The following LINGO2 variants were observed in gnomAD, a reference collection of about 807,000 sequenced individuals.
LINGO2 encodes leucine-rich repeat and immunoglobulin-like domain-containing nogo receptor-interacting protein 2.
Under a neutral mutation model 30.6 loss-of-function variants are expected in LINGO2, and 14 were observed. That is an observed-to-expected ratio of 0.46 (90% CI 0.30 to 0.72). LINGO2 has a LOEUF of 0.72. LINGO2 is among the 30% of genes least tolerant of loss of function. LINGO2 has a pLI of 0.07. For synonymous variants in LINGO2, 317 were observed against 288.5 expected, an observed-to-expected ratio of 1.10 and a Z score of -1.00; for missense variants, 729 against 751.7, an observed-to-expected ratio of 0.97 and a Z score of 0.35.
intron 1 of LINGO2, among the ~76,000 whole-genome samples, chr9:28,529,060 A>G (rs1304974015): frequency 2.0e-5 from 3 of 152,118 alleles, no homozygotes; most frequent in Non-Finnish European, 4.4e-5. Flanking sequence ...ATAGTTTTAG[A>G]AAGTCCTTCA....
chr9:29,097,292 T>C, the LINGO2 span, among the ~76,000 whole-genome samples: 60 of 136,026 alleles, frequency 4.4e-4, 9 homozygotes, highest in African/African-American at 1.6e-3. Flanking sequence ...TCAGTGGAAA[T>C]GGAAGAATAA....
chr9:28,626,784 T>C lies in LINGO2; in HGVS notation c.-365+43416A>G, dbSNP rs56844182. 1.7e-3 allele frequency among the ~76,000 whole-genome samples: 258 copies of C among 151,984 alleles called. 1 individual carries two copies. The highest frequency in any genetic ancestry group is 5.8e-3 in the African/African-American group (240 of 41,514). ...TTTCTACATTGTTTTCTCTGATCTA[T>C]ATCCCACCTAGTAAATGTTTTTTTC... On this transcript the variant is annotated intron_variant, in intron 1 of 5. Transcript: ENST00000379992.
At chr9:28,287,447 A>T (rs943364904) in intron 4 of LINGO2, among the ~76,000 whole-genome samples, 3 of 152,186 alleles carry the variant, frequency 2.0e-5, no homozygotes, top group Non-Finnish European at 4.4e-5. Context: ...ATATCCTTAA[A>T]ATATCCCCTA....
the LINGO2 span, among the ~76,000 whole-genome samples, chr9:29,164,756 A>G: frequency 6.6e-6 from 1 of 151,164 alleles, no homozygotes; most frequent in African/African-American, 2.5e-5. Context: ...ATATATATGC[A>G]TATATGCACG....
chr9:29,186,888 G>C, the LINGO2 span, among the ~76,000 whole-genome samples: 1 of 152,060 alleles, frequency 6.6e-6, no homozygotes, highest in Non-Finnish European at 1.5e-5. Flanking sequence ...CCATAAGAAA[G>C]ACCATAAAAA....
chr9:28,880,161 T>G, the LINGO2 span, among the ~76,000 whole-genome samples: 12 of 152,152 alleles, frequency 7.9e-5, no homozygotes, highest in Non-Finnish European at 1.5e-5. Context: ...AAGGCTGGAG[T>G]GCAGTGGCAC....
At chr9:28,569,980 T>C (rs1333821717) in intron 1 of LINGO2, among the ~76,000 whole-genome samples, 5 of 151,822 alleles carry the variant, frequency 3.3e-5, no homozygotes, top group Non-Finnish European at 5.9e-5. Context: ...AAAATTGAAG[T>C]AGTGATCAAC....
intron 1 of LINGO2, among the ~76,000 whole-genome samples, chr9:28,669,440 A>T (rs1228800858): frequency 6.6e-6 from 1 of 152,082 alleles, no homozygotes; most frequent in Admixed American, 6.6e-5. Context: ...AGCTAAACTT[A>T]ATCTTCCTGG....
the LINGO2 span, among the ~76,000 whole-genome samples, chr9:28,698,296 G>T: frequency 2.6e-5 from 4 of 151,938 alleles, no homozygotes; most frequent in African/African-American, 9.7e-5. Context: ...ATTATCATAA[G>T]ATACTTGCAC....
the LINGO2 span, among the ~76,000 whole-genome samples, chr9:28,694,937 TC>T: frequency 6.6e-6 from 1 of 150,580 alleles, no homozygotes. Flanking sequence ...TAAATGTGTT[TC>T]CATTATCCTG....
At chr9:28,807,420 A>C in the LINGO2 span, among the ~76,000 whole-genome samples, 11 of 152,198 alleles carry the variant, frequency 7.2e-5, no homozygotes, top group African/African-American at 2.4e-4. Flanking sequence ...TATGTAACTC[A>C]ATATGATTTC....
the LINGO2 span, among the ~76,000 whole-genome samples, chr9:29,009,545 G>A: frequency 6.6e-6 from 1 of 152,104 alleles, no homozygotes; most frequent in Non-Finnish European, 1.5e-5. Flanking sequence ...ACAAACAAAT[G>A]GAAGAACATT....
chr9:27,973,993 A>C (rs1820476292), intron 5 of LINGO2, among the ~76,000 whole-genome samples: 1 of 152,134 alleles, frequency 6.6e-6, no homozygotes, highest in Non-Finnish European at 1.5e-5. Context: ...TCAAGAGTAC[A>C]AATGGACTCA....
the LINGO2 span, among the ~76,000 whole-genome samples, chr9:29,154,004 TG>T: frequency 3.9e-5 from 6 of 152,182 alleles, no homozygotes; most frequent in Non-Finnish European, 5.9e-5. Context: ...CTGATGCTGA[TG>T]GAGTTATAAG....
At chr9:29,101,339 G>A in the LINGO2 span, among the ~76,000 whole-genome samples, 1 of 152,168 alleles carries the variant, frequency 6.6e-6, no homozygotes, top group Non-Finnish European at 1.5e-5. Context: ...AAACTATTCA[G>A]TGTAGGGTAA....
the LINGO2 span, among the ~76,000 whole-genome samples, chr9:28,759,812 G>A: frequency 6.6e-6 from 1 of 152,052 alleles, no homozygotes; most frequent in Admixed American, 6.5e-5. Flanking sequence ...TGTTCTCAGA[G>A]TGGAGAGCAA....
At chr9:28,935,573 G>A in the LINGO2 span, among the ~76,000 whole-genome samples, 77,225 of 151,798 alleles carry the variant, frequency 0.51, 20,978 homozygotes, top group Non-Finnish European at 0.6. Flanking sequence ...TATACATAGT[G>A]ATTGGGAGTC....
chr9:28,319,062 T>C (rs1377004106), intron 3 of LINGO2, among the ~76,000 whole-genome samples: 1 of 152,120 alleles, frequency 6.6e-6, no homozygotes, highest in Non-Finnish European at 1.5e-5. Flanking sequence ...TCAGTGACAA[T>C]TTATGTATTG....
chr9:28,866,145 G>T, the LINGO2 span, among the ~76,000 whole-genome samples: 1 of 152,058 alleles, frequency 6.6e-6, no homozygotes, highest in Non-Finnish European at 1.5e-5. Flanking sequence ...TATATAAGTA[G>T]ATAAATGATA....
Sources: gnomAD v4.1 joint callset for allele counts (sites outside exome capture counted in the v4.1 genomes callset) on GRCh38, gnomAD v4.1.1 for gene constraint, MANE v1.5 for transcripts, NCBI Gene and HGNC (gene_info 2026-07-23, HGNC 2026-07-21) for gene names.